SLC12A7: variants seen among roughly 807,000 people sequenced by gnomAD.
SLC12A7 encodes solute carrier family 12 member 7, also known as K-Cl cotransporter 4.
In SLC12A7, 100 loss-of-function variants were observed where a neutral mutation model predicts 120.6. That is an observed-to-expected ratio of 0.83 (90% CI 0.71 to 0.98). The LOEUF is 0.98. Ranked by LOEUF, SLC12A7 falls within the 50% of genes least tolerant of loss-of-function variation. The pLI is 0.00. For missense variants in SLC12A7, 1,373 were observed against 1,548.1 expected, an observed-to-expected ratio of 0.89 and a Z score of 1.90; for synonymous variants, 760 against 678.0, an observed-to-expected ratio of 1.12 and a Z score of -1.88.
At chr5:1,144,806 G>A in the SLC12A7 span, among the ~76,000 whole-genome samples, 7 of 152,364 alleles carry the variant, frequency 4.6e-5, no homozygotes, top group Middle Eastern at 3.4e-3. Flanking sequence ...TGAAATGCCC[G>A]TCTGAATAAA....
the SLC12A7 span, among the ~76,000 whole-genome samples, chr5:1,122,813 CAT>C: frequency 4.6e-5 from 7 of 152,286 alleles, no homozygotes; most frequent in East Asian, 1.9e-4. Flanking sequence ...TTCACCCACT[CAT>C]GTGCTGATGG....
At chr5:1,064,611 G>A (rs539671014) in intron 18 of SLC12A7, among the ~76,000 whole-genome samples, 1 of 152,354 alleles carries the variant, frequency 6.6e-6, no homozygotes, top group Non-Finnish European at 1.5e-5. Context: ...GCACAGGCCT[G>A]GGGACGTTGA....
chr5:1,100,615 C>T (rs992116293), intron 1 of SLC12A7, among the ~76,000 whole-genome samples: 7 of 152,232 alleles, frequency 4.6e-5, no homozygotes, highest in African/African-American at 1.4e-4. Flanking sequence ...GGGGAGACCG[C>T]GCCAAGTGCT....
At chr5:1,059,292 T>C (rs1229438249) in intron 21 of SLC12A7, among the ~76,000 whole-genome samples, 1 of 152,132 alleles carries the variant, frequency 6.6e-6, no homozygotes, top group East Asian at 1.9e-4. Context: ...CCTTTCTCTG[T>C]TGGGGGAGAG....
At chr5:1,092,545 A>G (rs932920900) in intron 3 of SLC12A7, among the ~76,000 whole-genome samples, 2 of 152,170 alleles carry the variant, frequency 1.3e-5, no homozygotes, top group Admixed American at 1.3e-4. Context: ...AAAGTTAAGG[A>G]AAATAATAGG....
rs1420134368 is a variant in SLC12A7, at chr5:1,051,415, TGGCTGTCGTG to T, written c.*935_*944del. On this transcript the variant is annotated 3_prime_UTR_variant, in exon 24 of 24. Transcript: ENST00000264930. Reference sequence around the variant, plus strand: ...TGGGGTGGGGTGGGGAGGGCAGTCCTGGCTGTCGTGGGCTGTCGGGGGAACTCACTGTTCA... The same window carrying T: ...TGGGGTGGGGTGGGGAGGGCAGTCCTGGCTGTCGGGGGAACTCACTGTTCA... The T allele has an allele frequency of 3.9e-5, 6 of 154,112 alleles. No individual in the cohort carries two copies. The highest frequency in any genetic ancestry group is 5.8e-5 in the Non-Finnish European group (4 of 69,374). The allele number at this position is 154,112 out of a possible 1,614,324, so 9.5% of individuals were successfully genotyped here. A position where few individuals can be genotyped will look rare whatever the true frequency, so the allele number is the denominator to read the frequency against.
In SLC12A7 at chr5:1,083,770, C is replaced by T. The variant is rs373769580; in HGVS notation, c.1104G>A (p.Pro368=). 3.0e-5 allele frequency: 49 copies of T among 1,612,646 alleles called. No homozygotes were observed. The highest frequency in any genetic ancestry group is 3.8e-5 in the Non-Finnish European group (45 of 1,179,856). The part of the protein sequence containing the change: ...QNNVTEIQGI[P]GAASGVFLEN... ...CCAGGAAGACACCACTGGCCGCGCC[C>T]GGGATGCCCTGGATTTCGGTGACGT... Residue 368 remains proline, a synonymous_variant, in exon 8 of 24, where the codon CCG becomes CCA. Coordinates refer to ENST00000264930, the MANE Select transcript of SLC12A7 (RefSeq NM_006598.3).
the SLC12A7 span, among the ~76,000 whole-genome samples, chr5:1,132,398 T>C: frequency 2.0e-5 from 3 of 152,158 alleles, 1 homozygote; most frequent in South Asian, 6.2e-4. Context: ...CGGGGAGCCA[T>C]TCTTCATCCC....
Position 1,073,880 on chromosome 5 carries a change from C to T in SLC12A7, c.2073-79G>A, listed in dbSNP as rs563552912. 7.7e-5 allele frequency: 99 copies of T among 1,285,180 alleles called. No homozygotes were observed. The African/African-American group carries it at 1.0e-3, about 14-fold the overall frequency. 79.6% of individuals were successfully genotyped at this position (1,285,180 alleles called of 1,614,324 possible). On this transcript the variant is annotated intron_variant, in intron 16 of 23. Coordinates refer to ENST00000264930, the MANE Select transcript of SLC12A7 (RefSeq NM_006598.3). ...CCATCAACAGGCAGGGCAGATGGGA[C>T]GGGCGGGGCACACGACACAGGTGGG... is the stretch of plus-strand genomic sequence containing the variant.
intron 1 of SLC12A7, among the ~76,000 whole-genome samples, chr5:1,105,465 G>A (rs936104346): frequency 2.6e-5 from 4 of 152,246 alleles, no homozygotes; most frequent in African/African-American, 9.6e-5. Flanking sequence ...ACCCTGCCGT[G>A]GGCCTGCCCC....
rs77157278 is a variant in SLC12A7 at position 1,084,947 on chromosome 5, G to C, written c.917+285C>G. 1.7e-4 allele frequency among the ~76,000 whole-genome samples: 26 copies of C among 152,326 alleles called. No homozygotes were observed. In the East Asian group the frequency reaches 5.0e-3, roughly 29 times the overall value. On this transcript the variant is annotated intron_variant, in intron 7 of 23. Coordinates refer to ENST00000264930, the MANE Select transcript of SLC12A7 (RefSeq NM_006598.3). ...CGCTCACTGCACCTGACCGTGCTCA[G>C]GGCCACCGGCCACCCCTGAAACCTG...
chr5:1,129,858 C>T, the SLC12A7 span, among the ~76,000 whole-genome samples: 1 of 152,186 alleles, frequency 6.6e-6, no homozygotes, highest in South Asian at 2.1e-4. Flanking sequence ...GAAAAGAACG[C>T]CCTGCTGCCG....
At chr5:1,148,152 T>C in the SLC12A7 span, among the ~76,000 whole-genome samples, 1 of 152,124 alleles carries the variant, frequency 6.6e-6, no homozygotes, top group African/African-American at 2.4e-5. Flanking sequence ...AATAAACCTC[T>C]TTAAATATTT....
At chr5:1,090,726 G>C (rs915615684) in intron 3 of SLC12A7, among the ~76,000 whole-genome samples, 1 of 152,200 alleles carries the variant, frequency 6.6e-6, no homozygotes, top group Non-Finnish European at 1.5e-5. Context: ...AAATCCCGCA[G>C]CCCCGTGACA....
intron 1 of SLC12A7, among the ~76,000 whole-genome samples, chr5:1,096,114 C>A (rs180882923): frequency 6.6e-6 from 1 of 152,210 alleles, no homozygotes; most frequent in Non-Finnish European, 1.5e-5. Context: ...CGTGTGTGAT[C>A]ATTAACTCCC....
chr5:1,083,700 G>A, intron 8 of SLC12A7, 45 bp downstream of exon 8: 4 of 1,590,438 alleles, frequency 2.5e-6, no homozygotes, highest in East Asian at 2.2e-5. Context: ...AGCGCCTGCT[G>A]CCCCCGCCAC....
At chr5:1,145,433 G>C in the SLC12A7 span, among the ~76,000 whole-genome samples, 1 of 152,222 alleles carries the variant, frequency 6.6e-6, no homozygotes, top group African/African-American at 2.4e-5. The surrounding 1 kb of genome is among the most constrained non-coding windows in gnomAD (Gnocchi z 4.4). Flanking sequence ...CTTGCTCTTG[G>C]AGCACTGAGG....
At chr5:1,066,169 C>T (rs1737032863) in intron 17 of SLC12A7, among the ~76,000 whole-genome samples, 1 of 152,234 alleles carries the variant, frequency 6.6e-6, no homozygotes, top group Non-Finnish European at 1.5e-5. Context: ...TGGGTCTCAG[C>T]CTTGTGTGGT....
At chr5:1,056,692 A>C in intron 22 of SLC12A7, 1 of 561,520 alleles carries the variant, frequency 1.8e-6, no homozygotes, top group Non-Finnish European at 2.3e-6. Context: ...ACGCCGCCTC[A>C]TCCCACCCCA....
Sources: gnomAD v4.1 joint callset for allele counts (sites outside exome capture counted in the v4.1 genomes callset) on GRCh38, gnomAD v4.1.1 for gene constraint, Gnocchi (gnomAD v3.1) non-coding constraint, MANE v1.5 for transcripts, NCBI Gene and HGNC (gene_info 2026-07-23, HGNC 2026-07-21) for gene names.